CHD8: variants seen among roughly 807,000 people sequenced by gnomAD.
CHD8 encodes chromodomain helicase DNA binding protein 8, also known as ATP-dependent chromatin remodeler CHD8.
Under a neutral mutation model 279.2 loss-of-function variants are expected in CHD8, and 31 were observed. The observed-to-expected ratio is 0.11, with a 90% CI of 0.08 to 0.15. The LOEUF is 0.15. Among genes scored for constraint, CHD8 ranks in the 10% least tolerant of loss-of-function variants. The pLI is 1.00. For missense variants in CHD8, 2,146 were observed against 3,230.5 expected (o/e 0.66, Z 8.14); for synonymous variants, 1,081 against 1,139.6 (o/e 0.95, Z 1.04).
At chr14:21,391,805 C>T in intron 35 of CHD8, 28 bp downstream of exon 35, 1 of 1,566,594 alleles carries the variant, frequency 6.4e-7, no homozygotes, top group Non-Finnish European at 8.8e-7. Flanking sequence ...ATCTAATCGT[C>T]AGGTTAAAGA....
intron 4 of CHD8, chr14:21,427,493 A>C: frequency 1.1e-6 from 1 of 940,402 alleles, no homozygotes; most frequent in Non-Finnish European, 1.3e-6. Context: ...TCCCATCACA[A>C]TAGCAAGGAG....
At chr14:21,441,690 C>G (rs184350153) in intron 1 of CHD8, among the ~76,000 whole-genome samples, 100 of 152,056 alleles carry the variant, frequency 6.6e-4, no homozygotes, top group Non-Finnish European at 1.0e-3. Flanking sequence ...AGATGGAGAC[C>G]ATCCTGGCTA....
Position 21,400,662 on chromosome 14 carries a change from C to G in CHD8, c.4371-50G>C. On this transcript the variant is annotated intron_variant, in intron 22 of 37. Coordinates refer to ENST00000646647, the MANE Select transcript of CHD8 (RefSeq NM_001170629.2). The surrounding 1 kb of genome is among the most constrained non-coding windows in gnomAD (Gnocchi z 4.2). ...CATTTTTCTGAGAAATGACAGTCCCCTGTCCCTCAGAATCATGTCTCTGAA... is the reference window on the plus strand; with the variant it reads ...CATTTTTCTGAGAAATGACAGTCCCGTGTCCCTCAGAATCATGTCTCTGAA... 6.8e-7 allele frequency: 1 copy of G among 1,464,794 alleles called. No individual in the cohort carries two copies. The highest frequency in any genetic ancestry group is 1.4e-5 in the South Asian group (1 of 71,544). 90.7% of individuals were successfully genotyped at this position (1,464,794 alleles called of 1,614,324 possible).
rs543559054 is a variant in CHD8 at position 21,392,291 on chromosome 14, A to G, written c.6771+216T>C. On this transcript the variant is annotated intron_variant, in intron 34 of 37. Coordinates refer to ENST00000646647, the MANE Select transcript of CHD8 (RefSeq NM_001170629.2). ...ATTCCTAAGCATACTAATTTAAGAA[A>G]CTTTTGTTGAATATTAATAGGATTA... 9.2e-6 allele frequency: 7 copies of G among 763,252 alleles called. No individual in the cohort carries two copies. In the South Asian group the frequency reaches 1.0e-4, roughly 11 times the overall value. 47.3% of individuals were successfully genotyped at this position (763,252 alleles called of 1,614,324 possible).
intron 37 of CHD8, among the ~76,000 whole-genome samples, chr14:21,389,864 C>A (rs1421251067): frequency 6.6e-6 from 1 of 152,150 alleles, no homozygotes; most frequent in Non-Finnish European, 1.5e-5. Flanking sequence ...TAGTGATTCT[C>A]AACCTTTATA....
intron 1 of CHD8, among the ~76,000 whole-genome samples, chr14:21,446,835 A>G (rs913938882): frequency 1.3e-5 from 2 of 152,220 alleles, no homozygotes; most frequent in Non-Finnish European, 2.9e-5. Context: ...TATAACTTCC[A>G]GTACTTCTCC....
rs1887948768 is a variant in CHD8, at chr14:21,399,746, A to G, written c.4818-41T>C. The G allele has an allele frequency of 4.4e-6, 6 of 1,360,340 alleles. No individual in the cohort carries two copies. In the East Asian group the frequency reaches 1.4e-4, roughly 31 times the overall value. 84.3% of individuals were successfully genotyped at this position (1,360,340 alleles called of 1,614,324 possible). Reference sequence around the variant, plus strand: ...GGCAGAGTCAGCACAGAAATGCAGGAAATTAAAGTGAGAATCCTTGCAAAG... The same window carrying G: ...GGCAGAGTCAGCACAGAAATGCAGGGAATTAAAGTGAGAATCCTTGCAAAG... On this transcript the variant is annotated intron_variant, in intron 25 of 37. Transcript: ENST00000646647.
intron 5 of CHD8, among the ~76,000 whole-genome samples, chr14:21,424,000 T>C (rs1889177490): frequency 6.6e-6 from 1 of 152,174 alleles, no homozygotes; most frequent in South Asian, 2.1e-4. Context: ...TTCATGGAAT[T>C]TTTTTGTTGT....
intron 11 of CHD8, 74 bp downstream of exon 11, chr14:21,409,777 C>T: frequency 6.9e-7 from 1 of 1,443,066 alleles, no homozygotes; most frequent in Non-Finnish European, 9.4e-7. Flanking sequence ...GCTAAAACAA[C>T]AAAAAATTTC....
chr14:21,406,994 C>A lies in CHD8; in HGVS notation c.2769G>T (p.Leu923=). The change falls in exon 14 of 38, where the codon CTG becomes CTT. Residue 923 remains leucine, a synonymous_variant. Transcript: ENST00000646647. ...LIPGAYKFDA[L]ITTFEMILSD... ...ACAAAATCATCTCAAAAGTGGTGAT[C>A]AGAGCGTCAAACTTGTATGCGCCTG... The A allele has an allele frequency of 6.3e-7, 1 of 1,599,702 alleles. No individual in the cohort carries two copies. The highest frequency in any genetic ancestry group is 1.1e-5 in the South Asian group (1 of 88,880).
chr14:21,388,901 T>C (rs890133772), intron 37 of CHD8, among the ~76,000 whole-genome samples: 2 of 152,208 alleles, frequency 1.3e-5, no homozygotes, highest in African/African-American at 2.4e-5. Flanking sequence ...AAGATTTCTA[T>C]AGAAGATCAA....
intron 2 of CHD8, 80 bp from the exon 3 acceptor site, chr14:21,429,415 T>C (rs779595487): frequency 6.0e-5 from 85 of 1,418,612 alleles, no homozygotes; most frequent in Non-Finnish European, 8.2e-5. Context: ...GTTTTCTTCA[T>C]GCTAGAATCA....
chr14:21,428,920 G>A (rs1315406788), intron 3 of CHD8, 44 bp downstream of exon 3: 16 of 1,601,042 alleles, frequency 1.0e-5, no homozygotes, highest in South Asian at 3.3e-5. Flanking sequence ...AATGGACTAA[G>A]TATTTTTGTT....
At position 21,450,632 on chromosome 14, in the gene CHD8, T is replaced by G. The variant is rs1415238107; in HGVS notation, c.-216+5400A>C. ...TTGCACCACTGCACTCCAGCCTACA[T>G]AACAAACACAGTAAGATCCTGTCTC... On this transcript the variant is annotated intron_variant, in intron 1 of 37. Coordinates refer to ENST00000646647, the MANE Select transcript of CHD8 (RefSeq NM_001170629.2). Among the ~76,000 whole-genome samples the G allele has an allele frequency of 2.1e-5, 3 of 146,296 alleles. No individual in the cohort carries two copies. In the Admixed American group the frequency reaches 2.1e-4, roughly 10 times the overall value.
chr14:21,415,760 C>T lies in CHD8; in HGVS notation c.1864G>A (p.Asp622Asn), dbSNP rs775033500. 5 of 1,613,752 alleles carry T rather than the reference C, an allele frequency of 3.1e-6. No individual in the cohort carries two copies. The highest frequency in any genetic ancestry group is 4.2e-6 in the Non-Finnish European group (5 of 1,179,816). Reference sequence around the variant, plus strand: ...TGCATGGAAGGCAAAGTCTCGCCATCTGGTTCTTGCACTGGTTCAGGGAGG... The same window carrying T: ...TGCATGGAAGGCAAAGTCTCGCCATTTGGTTCTTGCACTGGTTCAGGGAGG... Reference protein sequence around the residue: ...PILPEPVQEPDGETLPSMQFF... With the variant: ...PILPEPVQEPNGETLPSMQFF... Residue 622 changes from aspartate (D) to asparagine (N), a missense_variant, in exon 6 of 38, where the codon GAT (aspartate) becomes AAT (asparagine). Physicochemically the swap from Asp to Asn is conservative, Grantham distance 23. This residue lies in a region of CHD8 where 123 missense variants were observed against 169.2 expected (regional missense o/e 0.73). Coordinates refer to ENST00000646647, the MANE Select transcript of CHD8 (RefSeq NM_001170629.2).
At chr14:21,437,188 C>T (rs898130457) in intron 1 of CHD8, 14 of 1,178,618 alleles carry the variant, frequency 1.2e-5, no homozygotes, top group Non-Finnish European at 1.5e-5. Context: ...AGAGAGGTGG[C>T]TTTACCTGCA....
At chr14:21,429,458 T>A in intron 2 of CHD8, 123 bp from the exon 3 acceptor site, 1 of 969,776 alleles carries the variant, frequency 1.0e-6, no homozygotes, top group Admixed American at 1.7e-5. Flanking sequence ...ACAGTACAAC[T>A]CACTTTGTTC....
Position 21,393,406 on chromosome 14 carries a change from A to C in CHD8, c.6319+70T>G, listed in dbSNP as rs934848784. The C allele has an allele frequency of 2.0e-6, 3 of 1,499,530 alleles. No homozygotes were observed. The Admixed American group carries it at 7.1e-5, about 36-fold the overall frequency. The allele number at this position is 1,499,530 out of a possible 1,614,324, so 92.9% of individuals were successfully genotyped here. ...ATCCAAATCTCTCTCAAGAGGATGC[A>C]TTTAGAAAAGGGAAAGAGAAGAGAG... is the stretch of plus-strand genomic sequence containing the variant. On this transcript the variant is annotated intron_variant, in intron 32 of 37. Transcript: ENST00000646647.
chr14:21,442,878 A>C (rs1890019247), intron 1 of CHD8, among the ~76,000 whole-genome samples: 2 of 151,768 alleles, frequency 1.3e-5, no homozygotes, highest in South Asian at 4.2e-4. Context: ...CAACTGCACA[A>C]ATATTGTTGG....
Sources: gnomAD v4.1 joint callset for allele counts (sites outside exome capture counted in the v4.1 genomes callset) on GRCh38, gnomAD v4.1.1 for gene constraint, gnomAD v4.1.1 regional missense constraint, Gnocchi (gnomAD v3.1) non-coding constraint, MANE v1.5 for transcripts, NCBI Gene and HGNC (gene_info 2026-07-23, HGNC 2026-07-21) for gene names.